Variants in NR6A1 observed in about 807,000 individuals in gnomAD.
NR6A1 encodes the protein retinoic acid receptor-related testis-associated receptor.
In NR6A1, 7 loss-of-function variants were observed where a neutral mutation model predicts 59.1. The ratio of observed to expected loss-of-function variants is 0.12; its 90% CI spans 0.07 to 0.22. The LOEUF is 0.22. Among genes scored for constraint, NR6A1 ranks in the 10% least tolerant of loss-of-function variants. The probability of loss-of-function intolerance (pLI) is 1.00; values close to 1 mark genes in which losing one functional copy is unlikely to be tolerated. For synonymous variants in NR6A1, 243 were observed against 236.1 expected, an observed-to-expected ratio of 1.03 and a Z score of -0.27; for missense variants, 468 against 611.6, an observed-to-expected ratio of 0.77 and a Z score of 2.48.
chr9:124,679,125 T>A (rs531353269), intron 2 of NR6A1, among the ~76,000 whole-genome samples: 26 of 152,330 alleles, frequency 1.7e-4, no homozygotes, highest in Non-Finnish European at 3.1e-4. Flanking sequence ...CAAGTTCCCA[T>A]TCAAGATACT....
chr9:124,625,782 C>T (rs1430310236), intron 2 of NR6A1, among the ~76,000 whole-genome samples: 3 of 152,104 alleles, frequency 2.0e-5, no homozygotes, highest in Non-Finnish European at 4.4e-5. Context: ...AAGCAGATTG[C>T]CCTCCATAAT....
intron 2 of NR6A1, among the ~76,000 whole-genome samples, chr9:124,699,060 T>C (rs995215005): frequency 6.6e-6 from 1 of 152,192 alleles, no homozygotes; most frequent in Non-Finnish European, 1.5e-5. Context: ...GATTATGTAT[T>C]CGTGGTCAAG....
At chr9:124,545,949 C>G (rs999893356) in intron 3 of NR6A1, among the ~76,000 whole-genome samples, 2 of 152,176 alleles carry the variant, frequency 1.3e-5, no homozygotes, top group Non-Finnish European at 2.9e-5. Flanking sequence ...AACCATGTCT[C>G]TACTAAAAAT....
intron 2 of NR6A1, among the ~76,000 whole-genome samples, chr9:124,569,703 T>C (rs1834383319): frequency 1.3e-5 from 2 of 152,338 alleles, no homozygotes; most frequent in East Asian, 1.9e-4. Context: ...TACAGCAGAA[T>C]TGAAATTGGG....
At chr9:124,607,824 C>T (rs571889006) in intron 2 of NR6A1, among the ~76,000 whole-genome samples, 9 of 152,198 alleles carry the variant, frequency 5.9e-5, no homozygotes, top group Admixed American at 3.3e-4. Context: ...TTAGGATGAT[C>T]GCTTGAGGCC....
At chr9:124,580,777 G>A (rs889648549) in intron 2 of NR6A1, among the ~76,000 whole-genome samples, 6 of 152,130 alleles carry the variant, frequency 3.9e-5, no homozygotes, top group African/African-American at 2.4e-5. Context: ...CCAAGATCGC[G>A]CCACTGTACT....
chr9:124,647,307 A>T (rs758281075), intron 2 of NR6A1, among the ~76,000 whole-genome samples: 2 of 152,228 alleles, frequency 1.3e-5, no homozygotes, highest in African/African-American at 4.8e-5. Flanking sequence ...CCCAAATCAG[A>T]GATGAAAAGG....
At chr9:124,612,720 T>C (rs1316157698) in intron 2 of NR6A1, among the ~76,000 whole-genome samples, 1 of 151,820 alleles carries the variant, frequency 6.6e-6, no homozygotes, top group Non-Finnish European at 1.5e-5. Context: ...ACTCTTGTAC[T>C]GTGGGTAAGG....
At chr9:124,595,973 G>A (rs1271492258) in intron 2 of NR6A1, 2 of 175,558 alleles carry the variant, frequency 1.1e-5, no homozygotes, top group Non-Finnish European at 1.1e-5. Context: ...TACGGAGTTC[G>A]TTTATTACCA....
chr9:124,706,573 G>T (rs1023257726), intron 2 of NR6A1, among the ~76,000 whole-genome samples: 3 of 151,580 alleles, frequency 2.0e-5, no homozygotes, highest in African/African-American at 7.3e-5. Flanking sequence ...GTGCAGTGGC[G>T]CAATCTTGGC....
Position 124,703,961 on chromosome 9 carries a change from G to C in NR6A1, c.142+29347C>G, listed in dbSNP as rs1487106387. On this transcript the variant is annotated intron_variant, in intron 2 of 9. Transcript: ENST00000487099. ...ATCACCAAGTAAGCCACTGCACCCA[G>C]CATGCTTCTTTTAAGTGTTTGACAG... Among the ~76,000 whole-genome samples the C allele has an allele frequency of 2.0e-5, 3 of 152,122 alleles. No individual in the cohort carries two copies. The East Asian group carries it at 5.8e-4, about 29-fold the overall frequency.
intron 2 of NR6A1, among the ~76,000 whole-genome samples, chr9:124,591,020 T>C (rs2130798134): frequency 6.6e-6 from 1 of 152,302 alleles, no homozygotes; most frequent in East Asian, 1.9e-4. Context: ...AGGAATAGCA[T>C]ATTAACACTG....
intron 1 of NR6A1, among the ~76,000 whole-genome samples, chr9:124,746,900 A>T (rs2131162387): frequency 6.6e-6 from 1 of 152,332 alleles, no homozygotes; most frequent in East Asian, 1.9e-4. Flanking sequence ...CTAGCATAGA[A>T]AATAGAAAAC....
At chr9:124,582,606 G>T (rs1834807045) in intron 2 of NR6A1, among the ~76,000 whole-genome samples, 1 of 152,126 alleles carries the variant, frequency 6.6e-6, no homozygotes, top group East Asian at 1.9e-4. Flanking sequence ...ATGGTTCTGG[G>T]CCAGGTGGAG....
At chr9:124,732,824 G>A (rs1839922986) in intron 2 of NR6A1, among the ~76,000 whole-genome samples, 1 of 151,706 alleles carries the variant, frequency 6.6e-6, no homozygotes, top group Non-Finnish European at 1.5e-5. Flanking sequence ...AGCCTCCCGA[G>A]TAGCTGGGAC....
chr9:124,682,291 C>A (rs546009025), intron 2 of NR6A1, among the ~76,000 whole-genome samples: 129 of 152,226 alleles, frequency 8.5e-4, no homozygotes, highest in African/African-American at 2.7e-3. Flanking sequence ...CATCAGCCAT[C>A]GCGCCTGGCC....
chr9:124,597,489 C>G (rs1283981083), intron 2 of NR6A1, among the ~76,000 whole-genome samples: 1 of 152,164 alleles, frequency 6.6e-6, no homozygotes, highest in Non-Finnish European at 1.5e-5. Context: ...AACTAAATAT[C>G]TGCACACAAC....
intron 2 of NR6A1, among the ~76,000 whole-genome samples, chr9:124,680,438 G>A (rs904762115): frequency 6.6e-6 from 1 of 152,120 alleles, no homozygotes; most frequent in African/African-American, 2.4e-5. Context: ...AGGGATCAGT[G>A]AGACTCAGAA....
chr9:124,682,349 AAAG>A (rs1221236518), intron 2 of NR6A1, among the ~76,000 whole-genome samples: 2 of 152,202 alleles, frequency 1.3e-5, no homozygotes, highest in African/African-American at 2.4e-5. Flanking sequence ...TACGGTATCA[AAAG>A]AAGAATATGC....
Sources: gnomAD v4.1 joint callset for allele counts (sites outside exome capture counted in the v4.1 genomes callset) on GRCh38, gnomAD v4.1.1 for gene constraint, MANE v1.5 for transcripts, NCBI Gene and HGNC (gene_info 2026-07-23, HGNC 2026-07-21) for gene names.